Variants in ARAP2 observed in about 807,000 individuals in gnomAD.
ARAP2 encodes arf-GAP with Rho-GAP domain, ANK repeat and PH domain-containing protein 2.
A neutral mutation model predicts 194.5 loss-of-function variants in ARAP2; 148 were observed. The observed-to-expected ratio is 0.76, with a 90% confidence interval of 0.67 to 0.87. The LOEUF (loss-of-function observed/expected upper bound fraction) is 0.87, where lower values mean the gene tolerates loss of function less well. ARAP2 is among the 40% of genes least tolerant of loss of function. The probability of loss-of-function intolerance (pLI) is 0.00; values close to 1 mark genes in which losing one functional copy is unlikely to be tolerated. For synonymous variants in ARAP2, 695 were observed against 683.5 expected, an observed-to-expected ratio of 1.02 and a Z score of -0.26; for missense variants, 2,128 against 1,989.7, an observed-to-expected ratio of 1.07 and a Z score of -1.32.
Position 36,147,746 on chromosome 4 carries a change from GC to G in ARAP2, c.3001-1del. The G allele has an allele frequency of 6.2e-7, 1 of 1,601,850 alleles. No individual in the cohort carries two copies. Among genetic ancestry groups the G allele is most frequent in the South Asian group, 1.1e-5 (1 of 88,682 alleles). ...TTTTCAGCAAATAAGGGAACAAAAT[GC>G]TGTTAAAACAAATACAAAAAAGTAA... On this transcript the variant is annotated splice_acceptor_variant, in intron 17 of 32. Coordinates refer to ENST00000303965, the MANE Select transcript of ARAP2 (RefSeq NM_015230.4). LOFTEE classifies it high-confidence loss of function.
At chr4:36,228,461 T>A (rs772055849) in intron 2 of ARAP2, 121 bp downstream of exon 2, 57 of 1,017,220 alleles carry the variant, frequency 5.6e-5, no homozygotes, top group Non-Finnish European at 7.8e-5. Flanking sequence ...AAGAAAAGGT[T>A]GGTTGAATAG....
At chr4:36,092,082 C>G in intron 27 of ARAP2, 62 bp from the exon 28 acceptor site, 3 of 1,443,170 alleles carry the variant, frequency 2.1e-6, no homozygotes, top group Non-Finnish European at 2.8e-6. Flanking sequence ...AAATACAATA[C>G]AAAACATTTC....
At chr4:36,097,842 A>G (rs1030159316) in intron 27 of ARAP2, among the ~76,000 whole-genome samples, 7 of 152,108 alleles carry the variant, frequency 4.6e-5, no homozygotes, top group African/African-American at 1.7e-4. Context: ...ATGAGAAAGG[A>G]TAGGTTGGAG....
chr4:36,111,352 ACTGGCTTC>A (rs1414075720), intron 26 of ARAP2, among the ~76,000 whole-genome samples: 2 of 151,884 alleles, frequency 1.3e-5, no homozygotes, highest in African/African-American at 4.8e-5. Context: ...CACATGTTCC[ACTGGCTTC>A]AGTAAACCCA....
intron 27 of ARAP2, among the ~76,000 whole-genome samples, chr4:36,093,346 T>C (rs953056619): frequency 4.6e-5 from 7 of 151,966 alleles, no homozygotes; most frequent in African/African-American, 1.7e-4. Context: ...CATGTACCCC[T>C]GAACTTAAAA....
chr4:36,012,522 CATTTGTATA>C (rs1560260852), intron 9 of ARAP2: 1 of 152,176 alleles, frequency 6.6e-6, no homozygotes, highest in African/African-American at 2.4e-5. Context: ...TTGTCCTGCA[CATTTGTATA>C]ACTTTATAAA....
rs760434141 is a variant in ARAP2 at position 36,128,630 on chromosome 4, C to G, written c.3543G>C (p.Gln1181His). The G allele has an allele frequency of 2.5e-6, 4 of 1,613,004 alleles. No homozygotes were observed. In the South Asian group the frequency reaches 4.4e-5, roughly 18 times the overall value. Residue 1181 changes from glutamine (Q) to histidine (H), a missense_variant, in exon 21 of 33, where the codon CAG becomes CAC. Transcript: ENST00000303965. ...TCAACACAGCCGTCACATCTTCAAG[C>G]TGATGTTTTCCAGCCCTCAATTTAA... ...RSFKLRAGKH[Q>H]LEDVTAVLKS...
chr4:36,202,695 T>C (rs998964128), intron 6 of ARAP2, among the ~76,000 whole-genome samples: 5 of 152,176 alleles, frequency 3.3e-5, no homozygotes, highest in Non-Finnish European at 5.9e-5. Context: ...TTATATAAAA[T>C]ACAACGTGAA....
chr4:36,230,865 A>G (rs1161130628), intron 1 of ARAP2, among the ~76,000 whole-genome samples: 2 of 152,234 alleles, frequency 1.3e-5, no homozygotes, highest in East Asian at 3.8e-4. Context: ...CTATTTTAAA[A>G]TATCAGCAAG....
intron 7 of ARAP2, 30 bp downstream of exon 7, chr4:36,193,548 C>G (rs1041133067): frequency 2.0e-6 from 3 of 1,507,880 alleles, no homozygotes; most frequent in Non-Finnish European, 2.7e-6. Flanking sequence ...CATAAAAAAG[C>G]AATTTTTGAA....
chr4:36,062,751 AG>A, downstream of ARAP2, among the ~76,000 whole-genome samples: 1 of 152,270 alleles, frequency 6.6e-6, no homozygotes, highest in South Asian at 2.1e-4. Context: ...ACTCATAAAA[AG>A]GGTTAAATCT....
chr4:36,125,611 C>T (rs1409377710), intron 21 of ARAP2, among the ~76,000 whole-genome samples: 1 of 151,872 alleles, frequency 6.6e-6, no homozygotes, highest in East Asian at 1.9e-4. Context: ...TTGTCATGAA[C>T]AGAAATTTGT....
At position 36,196,346 on chromosome 4, in the gene ARAP2, C is replaced by T. The variant is rs190483185; in HGVS notation, c.1488-2699G>A. On this transcript the variant is annotated intron_variant, in intron 6 of 32. Transcript: ENST00000303965. ...GCCGATAGCTTACTCATGTGTTAGG[C>T]TTAAGGATCAGTCGAAGATGCAGCA... 4.8e-4 allele frequency among the ~76,000 whole-genome samples: 73 copies of T among 152,214 alleles called. No homozygotes were observed. In the East Asian group the frequency reaches 7.1e-3, roughly 15 times the overall value.
At chr4:36,220,768 T>C (rs1748970318) in intron 2 of ARAP2, among the ~76,000 whole-genome samples, 1 of 152,080 alleles carries the variant, frequency 6.6e-6, no homozygotes, top group Non-Finnish European at 1.5e-5. Context: ...AGAACGAGGA[T>C]ATAAAGAATA....
chr4:36,114,233 T>C lies in ARAP2; in HGVS notation c.4093A>G (p.Asn1365Asp). Residue 1365 changes from asparagine (N) to aspartate (D), a missense_variant, in exon 26 of 33, where the codon AAT becomes GAT. By Grantham distance (23) the Asn-to-Asp change is conservative. Coordinates refer to ENST00000303965, the MANE Select transcript of ARAP2 (RefSeq NM_015230.4). ...ELTNDILAIK[N>D]IIPTKGDIWA... ...ATATCACCTTTTGTAGGAATAATAT[T>C]TTTTATCGCTAATATATCATTAGTT... The C allele has an allele frequency of 2.5e-6, 4 of 1,602,110 alleles. No individual in the cohort carries two copies. The highest frequency in any genetic ancestry group is 3.4e-6 in the Non-Finnish European group (4 of 1,170,722).
rs140805892 is a variant in ARAP2 at position 36,180,944 on chromosome 4, T to G, written c.1679-2939A>C. Among the ~76,000 whole-genome samples the G allele has an allele frequency of 3.9e-3, 595 of 152,306 alleles. 3 individuals carry two copies. The highest frequency in any genetic ancestry group is 7.1e-3 in the Non-Finnish European group (482 of 68,022). ...ATAATCTAAACACAATAAAATAGAT[T>G]ACAAGTGTCAACTGTATTTGGCCGT... On this transcript the variant is annotated intron_variant, in intron 8 of 32. Coordinates refer to ENST00000303965, the MANE Select transcript of ARAP2 (RefSeq NM_015230.4).
intron 3 of ARAP2, among the ~76,000 whole-genome samples, chr4:36,049,561 G>C (rs985188137): frequency 6.6e-5 from 10 of 152,068 alleles, no homozygotes; most frequent in African/African-American, 2.4e-4. Context: ...TAGTTATTTT[G>C]TGATTCACAA....
intron 8 of ARAP2, among the ~76,000 whole-genome samples, chr4:36,183,748 GAGA>G (rs1739841985): frequency 6.6e-6 from 1 of 152,180 alleles, no homozygotes; most frequent in East Asian, 1.9e-4. Context: ...TTGCAACTAA[GAGA>G]AGAACAATGT....
At chr4:36,121,401 A>G in intron 22 of ARAP2, 75 bp from the exon 23 acceptor site, 1 of 1,390,018 alleles carries the variant, frequency 7.2e-7, no homozygotes, top group Non-Finnish European at 9.7e-7. Flanking sequence ...CCAGTTTATC[A>G]ATTTTTAAAC....
Sources: allele counts gnomAD v4.1 joint callset (sites outside exome capture counted in the v4.1 genomes callset), GRCh38; gene constraint gnomAD v4.1.1; transcripts MANE v1.5; gene names NCBI Gene and HGNC (gene_info 2026-07-23, HGNC 2026-07-21).